RAB22A: variants seen among roughly 807,000 people sequenced by gnomAD.
The protein encoded by RAB22A is ras-related protein Rab-22A.
RAB22A carries 13 observed loss-of-function variants against 30.2 expected under a neutral mutation model. That is an observed-to-expected ratio of 0.43 (90% CI 0.28 to 0.68). The LOEUF (loss-of-function observed/expected upper bound fraction) is 0.68. Among genes scored for constraint, RAB22A ranks in the 30% least tolerant of loss-of-function variants. The probability of loss-of-function intolerance (pLI) is 0.18; values close to 1 mark genes in which losing one functional copy is unlikely to be tolerated. For missense variants in RAB22A, 177 were observed against 246.8 expected (o/e 0.72, Z 1.89); for synonymous variants, 89 against 87.2 (o/e 1.02, Z -0.11).
rs564909493 is a variant in RAB22A, at chr20:58,325,304, C to T, written c.116+14182C>T. 1.1e-3 allele frequency among the ~76,000 whole-genome samples: 170 copies of T among 152,130 alleles called. 1 individual carries two copies. The highest frequency in any genetic ancestry group is 3.9e-3 in the African/African-American group (161 of 41,508). ...CCATCCTGGCCAACATGGTGAAACC[C>T]CGTCTCTACCAAAAATACAAAAATT... On this transcript the variant is annotated intron_variant, in intron 2 of 6. Coordinates refer to ENST00000244040, the MANE Select transcript of RAB22A (RefSeq NM_020673.3).
Position 58,353,455 on chromosome 20 carries a change from T to C in RAB22A, c.294T>C (p.Asn98=), listed in dbSNP as rs143065347. 8.7e-5 allele frequency: 141 copies of C among 1,613,536 alleles called. 1 individual carries two copies. In the East Asian group the frequency reaches 9.6e-4, roughly 11 times the overall value. Residue 98 remains asparagine, a synonymous_variant, in exon 5 of 7, where the codon AAT becomes AAC. Coordinates refer to ENST00000244040, the MANE Select transcript of RAB22A (RefSeq NM_020673.3). The part of the protein sequence containing the change: ...TKEETFSTLK[N]WVKELRQHGP... ...AGGAGACATTTTCAACATTAAAGAA[T>C]TGGGTGAAAGAGCTTCGACAGCATG...
intron 2 of RAB22A, among the ~76,000 whole-genome samples, chr20:58,327,546 T>G (rs1986589437): frequency 6.6e-6 from 1 of 152,170 alleles, no homozygotes; most frequent in Admixed American, 6.5e-5. Flanking sequence ...AGCAAATGAT[T>G]CAAGAGAAAG....
intron 3 of RAB22A, among the ~76,000 whole-genome samples, chr20:58,346,404 C>G (rs553033560): frequency 1.3e-5 from 2 of 152,368 alleles, no homozygotes; most frequent in African/African-American, 4.8e-5. Context: ...CGGGGCTCCT[C>G]TCTTCTCAGG....
At chr20:58,324,296 T>A (rs1986515169) in intron 2 of RAB22A, among the ~76,000 whole-genome samples, 1 of 120,286 alleles carries the variant, frequency 8.3e-6, no homozygotes, top group Admixed American at 8.1e-5. Context: ...TTGGTTTTAA[T>A]ACATTGGGGT....
rs999448659 is a variant in RAB22A at position 58,320,426 on chromosome 20, G to A, written c.116+9304G>A. ...ACTTCTTATCCTTTTAATGTTTTGG[G>A]ATCTGTAGCAATACCCCCCTTCCAT... On this transcript the variant is annotated intron_variant, in intron 2 of 6. Transcript: ENST00000244040. Among the ~76,000 whole-genome samples the A allele has an allele frequency of 2.0e-5, 3 of 151,820 alleles. No homozygotes were observed. The East Asian group carries it at 5.8e-4, about 29-fold the overall frequency.
In RAB22A at chr20:58,366,946, A is replaced by G. The variant is rs1289804402; in HGVS notation, c.*7243A>G. On this transcript the variant is annotated 3_prime_UTR_variant, in exon 7 of 7. Coordinates refer to ENST00000244040, the MANE Select transcript of RAB22A (RefSeq NM_020673.3). ...AAAAAAAAAGCTAAGCCGTCCTACC[A>G]GCAATCTCTCTTTCTCCTAAGAATG... The G allele has an allele frequency of 1.3e-5, 2 of 152,634 alleles. No homozygotes were observed. Among genetic ancestry groups the G allele is most frequent in the Non-Finnish European group, 2.9e-5 (2 of 68,030 alleles). 9.5% of individuals were successfully genotyped at this position (152,634 alleles called of 1,614,324 possible).
chr20:58,358,525 CTAAA>C (rs1341341174), intron 6 of RAB22A, among the ~76,000 whole-genome samples: 1 of 152,138 alleles, frequency 6.6e-6, no homozygotes, highest in Admixed American at 6.5e-5. Flanking sequence ...TGGAAACAAA[CTAAA>C]TACCCATCAA....
chr20:58,346,289 T>C (rs1986944882), intron 3 of RAB22A, among the ~76,000 whole-genome samples: 1 of 152,230 alleles, frequency 6.6e-6, no homozygotes, highest in South Asian at 2.1e-4. Context: ...GCCTGTGTTA[T>C]TGGCCTGCTT....
rs200721959 is a variant in RAB22A, at chr20:58,327,074, A to G, written c.116+15952A>G. ...GTAATCCTAACACTCTGGAAGGCCA[A>G]TGTGGGAGGAACGCTTGAGACCAGT... On this transcript the variant is annotated intron_variant, in intron 2 of 6. Transcript: ENST00000244040. 2.3e-4 allele frequency among the ~76,000 whole-genome samples: 35 copies of G among 152,308 alleles called. No individual in the cohort carries two copies. In the East Asian group the frequency reaches 5.0e-3, roughly 22 times the overall value.
intron 2 of RAB22A, among the ~76,000 whole-genome samples, chr20:58,328,040 T>G (rs1986599127): frequency 6.6e-6 from 1 of 152,238 alleles, no homozygotes; most frequent in Non-Finnish European, 1.5e-5. Context: ...AAGTTCACAG[T>G]TTTGATTATC....
At chr20:58,357,640 G>A (rs1409309494) in intron 6 of RAB22A, among the ~76,000 whole-genome samples, 1 of 152,146 alleles carries the variant, frequency 6.6e-6, no homozygotes, top group African/African-American at 2.4e-5. Flanking sequence ...TTAGATACCA[G>A]CTATATTTCA....
chr20:58,357,335 T>G (rs1987148548), intron 6 of RAB22A, among the ~76,000 whole-genome samples: 1 of 152,224 alleles, frequency 6.6e-6, no homozygotes, highest in South Asian at 2.1e-4. Flanking sequence ...TCTTAATGTT[T>G]TATAGTTCTT....
intron 2 of RAB22A, among the ~76,000 whole-genome samples, chr20:58,342,384 A>G (rs1268652000): frequency 6.6e-6 from 1 of 152,196 alleles, no homozygotes; most frequent in African/African-American, 2.4e-5. Context: ...TTGCCATGGC[A>G]TAAATTTATA....
intron 2 of RAB22A, among the ~76,000 whole-genome samples, chr20:58,313,046 C>T (rs958085861): frequency 1.3e-5 from 2 of 152,140 alleles, no homozygotes; most frequent in Non-Finnish European, 2.9e-5. Context: ...TGAGTCAGAG[C>T]TGAAAACCTA....
intron 2 of RAB22A, among the ~76,000 whole-genome samples, chr20:58,338,942 C>T (rs2122954457): frequency 6.6e-6 from 1 of 152,250 alleles, no homozygotes; most frequent in South Asian, 2.1e-4. Flanking sequence ...CCTCGGGAGG[C>T]ACTATATGCC....
chr20:58,353,201 G>T (rs1220551532), intron 3 of RAB22A, 72 bp from the exon 4 acceptor site: 7 of 1,336,426 alleles, frequency 5.2e-6, no homozygotes, highest in Non-Finnish European at 7.4e-6. Context: ...GGGATAATGG[G>T]CTTATAAATC....
At chr20:58,326,031 G>A (rs1986563974) in intron 2 of RAB22A, among the ~76,000 whole-genome samples, 1 of 152,140 alleles carries the variant, frequency 6.6e-6, no homozygotes, top group African/African-American at 2.4e-5. Context: ...TACAGATTTA[G>A]AATTTAATAT....
intron 2 of RAB22A, among the ~76,000 whole-genome samples, chr20:58,320,479 C>T (rs1222118177): frequency 6.6e-6 from 1 of 152,128 alleles, no homozygotes; most frequent in African/African-American, 2.4e-5. Context: ...TGAGCCTTCT[C>T]ACTTCTTTTT....
intron 2 of RAB22A, among the ~76,000 whole-genome samples, chr20:58,314,372 A>G (rs576810169): frequency 6.6e-6 from 1 of 152,236 alleles, no homozygotes; most frequent in South Asian, 2.1e-4. Flanking sequence ...GCCAGAAATG[A>G]TTTATTCAAC....
Sources: gnomAD v4.1 joint callset for allele counts (sites outside exome capture counted in the v4.1 genomes callset) on GRCh38, gnomAD v4.1.1 for gene constraint, MANE v1.5 for transcripts, NCBI Gene and HGNC (gene_info 2026-07-23, HGNC 2026-07-21) for gene names.